The following SMYD3 variants were observed in gnomAD, a reference collection of about 807,000 sequenced individuals.
SMYD3 encodes the protein SET and MYND domain containing 3, also known as histone-lysine N-methyltransferase SMYD3.
SMYD3 carries 36 observed loss-of-function variants against 57.7 expected under a neutral mutation model. The observed-to-expected ratio is 0.62, with a 90% CI of 0.48 to 0.82. The LOEUF is 0.82. SMYD3 is among the 40% of genes least tolerant of loss of function. The pLI is 0.00. For missense variants in SMYD3, 515 were observed against 538.8 expected (o/e 0.96, Z 0.44); for synonymous variants, 211 against 195.0 (o/e 1.08, Z -0.68).
chr1:245,990,774 G>T (rs527315441), intron 5 of SMYD3, among the ~76,000 whole-genome samples: 1 of 152,218 alleles, frequency 6.6e-6, no homozygotes, highest in South Asian at 2.1e-4. Flanking sequence ...AGTCCAGTGG[G>T]ACTCATGTCG....
At chr1:246,342,508 C>T (rs2065648223) in intron 2 of SMYD3, among the ~76,000 whole-genome samples, 1 of 152,104 alleles carries the variant, frequency 6.6e-6, no homozygotes, top group East Asian at 1.9e-4. Context: ...GAAAAGAAAA[C>T]TGGAAGGCTA....
In SMYD3 at chr1:246,023,925, T is replaced by C. The variant is rs2059524791; in HGVS notation, c.532-93988A>G. On this transcript the variant is annotated intron_variant, in intron 5 of 11. Transcript: ENST00000490107. ...TTCAGAGAGACTTCTGTGGATGGCA[T>C]ATACTGATGATTTGGTTAAAAAAAT... is the stretch of plus-strand genomic sequence containing the variant. 2.0e-5 allele frequency among the ~76,000 whole-genome samples: 3 copies of C among 151,916 alleles called. No homozygotes were observed. The South Asian group carries it at 6.2e-4, about 32-fold the overall frequency.
chr1:246,141,735 G>A (rs1236468401), intron 5 of SMYD3, among the ~76,000 whole-genome samples: 2 of 152,118 alleles, frequency 1.3e-5, no homozygotes, highest in Admixed American at 6.5e-5. Context: ...AATTCATAAA[G>A]CAATGTAAAA....
chr1:246,337,621 G>C (rs2065565932), intron 2 of SMYD3, among the ~76,000 whole-genome samples: 1 of 152,042 alleles, frequency 6.6e-6, no homozygotes, highest in African/African-American at 2.4e-5. Context: ...AGTGCCAGTG[G>C]GTCTATCAGA....
intron 1 of SMYD3, among the ~76,000 whole-genome samples, chr1:246,453,830 G>A (rs61839800): frequency 0.15 from 22,894 of 152,132 alleles, 2,220 homozygotes; most frequent in Middle Eastern, 0.24. Context: ...CCAAGAGCAC[G>A]GTCATGATAC....
chr1:246,234,791 T>TA (rs1265193888), intron 5 of SMYD3, among the ~76,000 whole-genome samples: 2 of 152,218 alleles, frequency 1.3e-5, no homozygotes, highest in Non-Finnish European at 2.9e-5. Context: ...AGTTACAGCT[T>TA]AGACAAGAAA....
At chr1:246,413,932 C>T (rs993771740) in intron 1 of SMYD3, among the ~76,000 whole-genome samples, 10 of 152,064 alleles carry the variant, frequency 6.6e-5, no homozygotes, top group Non-Finnish European at 1.3e-4. Flanking sequence ...ATTAAAACTC[C>T]GAAAAAACAA....
chr1:245,984,945 T>G (rs897970718), intron 5 of SMYD3, among the ~76,000 whole-genome samples: 1 of 152,162 alleles, frequency 6.6e-6, no homozygotes, highest in Non-Finnish European at 1.5e-5. Flanking sequence ...CTCTCAACTC[T>G]GCTGAATGTG....
At chr1:246,321,331 T>C (rs1254580197) in intron 5 of SMYD3, among the ~76,000 whole-genome samples, 1 of 152,222 alleles carries the variant, frequency 6.6e-6, no homozygotes, top group Non-Finnish European at 1.5e-5. Context: ...ATTAATAATA[T>C]GTGTCAGACA....
intron 5 of SMYD3, among the ~76,000 whole-genome samples, chr1:246,109,210 T>C (rs966633697): frequency 6.6e-6 from 1 of 152,166 alleles, no homozygotes; most frequent in Non-Finnish European, 1.5e-5. Flanking sequence ...ATAAAGAAAA[T>C]TACTGCCTAT....
intron 8 of SMYD3, among the ~76,000 whole-genome samples, chr1:245,866,032 T>C (rs2051818052): frequency 6.6e-6 from 1 of 152,184 alleles, no homozygotes; most frequent in African/African-American, 2.4e-5. Flanking sequence ...ATTTTCATAC[T>C]CTAGACATCC....
chr1:246,319,456 T>A (rs918678526), intron 5 of SMYD3, among the ~76,000 whole-genome samples: 1 of 152,204 alleles, frequency 6.6e-6, no homozygotes, highest in Admixed American at 6.5e-5. Context: ...GTCACTGGGA[T>A]CATTTAGTAA....
chr1:246,133,087 T>TA (rs1355834847), intron 5 of SMYD3, among the ~76,000 whole-genome samples: 4 of 151,866 alleles, frequency 2.6e-5, no homozygotes, highest in South Asian at 2.1e-4. Context: ...TGGCATTTCT[T>TA]AAAAAAACAT....
At chr1:246,133,006 G>T (rs1479358439) in intron 5 of SMYD3, among the ~76,000 whole-genome samples, 1 of 152,028 alleles carries the variant, frequency 6.6e-6, no homozygotes, top group African/African-American at 2.4e-5. Flanking sequence ...AGGATGCAGA[G>T]AAACTGAAAC....
chr1:246,237,398 T>C (rs192751337), intron 5 of SMYD3, among the ~76,000 whole-genome samples: 115 of 152,310 alleles, frequency 7.6e-4, no homozygotes, highest in African/African-American at 2.7e-3. Context: ...TAACACATAC[T>C]TATGGTTGTT....
At chr1:245,834,277 G>C (rs1210345571) in intron 10 of SMYD3, among the ~76,000 whole-genome samples, 1 of 152,168 alleles carries the variant, frequency 6.6e-6, no homozygotes, top group East Asian at 1.9e-4. Context: ...CCCTGGGAAG[G>C]CTCTGCTTGC....
chr1:245,828,778 C>T (rs1246133393), intron 10 of SMYD3, among the ~76,000 whole-genome samples: 2 of 151,808 alleles, frequency 1.3e-5, no homozygotes, highest in African/African-American at 2.4e-5. Context: ...CTCGGGCTCA[C>T]TGCAACCTCC....
At chr1:245,970,973 T>C (rs925028686) in intron 5 of SMYD3, among the ~76,000 whole-genome samples, 17 of 152,186 alleles carry the variant, frequency 1.1e-4, no homozygotes, top group African/African-American at 3.9e-4. Flanking sequence ...TTATAAATCA[T>C]TCTACTATAA....
At chr1:246,392,921 T>A (rs568120917) in intron 1 of SMYD3, among the ~76,000 whole-genome samples, 2 of 151,176 alleles carry the variant, frequency 1.3e-5, no homozygotes, top group African/African-American at 4.9e-5. Context: ...GAAATAGAAA[T>A]CAAAACCACA....
Sources: gnomAD v4.1 joint callset for allele counts (sites outside exome capture counted in the v4.1 genomes callset) on GRCh38, gnomAD v4.1.1 for gene constraint, MANE v1.5 for transcripts, NCBI Gene and HGNC (gene_info 2026-07-23, HGNC 2026-07-21) for gene names.